The following HEATR5B variants were observed in gnomAD, a reference collection of about 807,000 sequenced individuals.
HEATR5B encodes the protein HEAT repeat-containing protein 5B.
A neutral mutation model predicts 224.1 loss-of-function variants in HEATR5B; 156 were observed. The observed-to-expected ratio is 0.70, with a 90% CI of 0.61 to 0.80. The LOEUF is 0.80. Ranked by LOEUF, HEATR5B falls within the 30% of genes least tolerant of loss-of-function variation. The pLI is 0.00. For missense variants in HEATR5B, 2,323 were observed against 2,535.5 expected (o/e 0.92, Z 1.80); for synonymous variants, 1,027 against 893.0 (o/e 1.15, Z -2.68).
intron 16 of HEATR5B, among the ~76,000 whole-genome samples, chr2:37,054,199 T>C (rs1670744634): frequency 6.8e-6 from 1 of 147,670 alleles, no homozygotes; most frequent in African/African-American, 2.5e-5. Flanking sequence ...TCTGTTTTTT[T>C]TTTTTTTTTT....
At chr2:37,041,110 TA>T in intron 19 of HEATR5B, 22 bp downstream of exon 19, 2 of 1,581,528 alleles carry the variant, frequency 1.3e-6, no homozygotes, top group Non-Finnish European at 1.7e-6. Flanking sequence ...ACTTTTGTAA[TA>T]AAAAAACCAA....
At position 37,005,690 on chromosome 2, in the gene HEATR5B, T is replaced by C; in HGVS notation, c.4847A>G (p.Gln1616Arg). ...GGAGTCTAGCAAGGTATGTAAGGCCTGCAGGCATGCTGTAACATGTTCAAT... is the reference window on the plus strand; with the variant it reads ...GGAGTCTAGCAAGGTATGTAAGGCCCGCAGGCATGCTGTAACATGTTCAAT... ...EPIEHVTACL[Q>R]ALHTLLDSPY... Residue 1616 changes from glutamine (Q) to arginine (R), a missense_variant, in exon 30 of 36, where the codon CAG (glutamine) becomes CGG (arginine). By Grantham distance (43) the Gln-to-Arg change is conservative (BLOSUM62 1). Transcript: ENST00000233099. 6.2e-7 allele frequency: 1 copy of C among 1,612,602 alleles called. No homozygotes were observed. The highest frequency in any genetic ancestry group is 8.5e-7 in the Non-Finnish European group (1 of 1,178,782).
chr2:37,064,949 T>G lies in HEATR5B; in HGVS notation c.1375A>C (p.Met459Leu). The G allele has an allele frequency of 6.2e-7, 1 of 1,614,086 alleles. No individual in the cohort carries two copies. Among genetic ancestry groups the G allele is most frequent in the Non-Finnish European group, 8.5e-7 (1 of 1,179,988 alleles). ...CATGCAGCAGCAAGTCGGGCAGCCA[T>G]GCTTGGATGAAGCAGCACTGAAGTC... ...IVTSVLLHPS[M>L]AARLAAAWCL... Residue 459 changes from methionine to leucine, a missense_variant, in exon 10 of 36, where the codon ATG (methionine) becomes CTG (leucine). Met to Leu is a conservative substitution (Grantham distance 15, BLOSUM62 2). Around this residue, in one of 12 missense-constraint regions of HEATR5B, gnomAD observed 502 missense variants for 517.8 expected, o/e 0.97. Coordinates refer to ENST00000233099, the MANE Select transcript of HEATR5B (RefSeq NM_019024.3).
intron 27 of HEATR5B, among the ~76,000 whole-genome samples, chr2:37,009,462 A>T (rs968510992): frequency 1.3e-5 from 2 of 151,920 alleles, no homozygotes; most frequent in African/African-American, 2.4e-5. Flanking sequence ...CTGTAGCCCC[A>T]GCTACTTGGG....
chr2:37,054,257 C>T (rs1279546497), intron 16 of HEATR5B, among the ~76,000 whole-genome samples: 2 of 141,276 alleles, frequency 1.4e-5, no homozygotes, highest in Admixed American at 1.5e-4. Flanking sequence ...TGCAATGGCG[C>T]GATCTCGGCT....
rs13387567 is a variant in HEATR5B at position 37,082,303 on chromosome 2, C to T, written c.126+986G>A. On this transcript the variant is annotated intron_variant, in intron 2 of 35. Coordinates refer to ENST00000233099, the MANE Select transcript of HEATR5B (RefSeq NM_019024.3). ...CCATGTTGGCCAGGCTAGTCTGGAA[C>T]TCCTGACCTCAGGTGATCCACCCAC... 9.7e-3 allele frequency among the ~76,000 whole-genome samples: 1,471 copies of T among 152,030 alleles called. 30 individuals are homozygous for T. Among genetic ancestry groups the T allele is most frequent in the African/African-American group, 0.034 (1,407 of 41,454 alleles).
intron 34 of HEATR5B, among the ~76,000 whole-genome samples, chr2:36,990,397 C>G (rs189779419): frequency 5.9e-5 from 9 of 152,240 alleles, no homozygotes; most frequent in African/African-American, 1.9e-4. Flanking sequence ...TAATCATAGA[C>G]TCTTGTCTCT....
At chr2:37,005,847 T>C in intron 29 of HEATR5B, 88 bp from the exon 30 acceptor site, 1 of 1,059,714 alleles carries the variant, frequency 9.4e-7, no homozygotes, top group Admixed American at 2.8e-5. Flanking sequence ...TTTATGTTTT[T>C]ACAGATTACC....
chr2:37,042,518 C>T (rs1321371488), intron 18 of HEATR5B, among the ~76,000 whole-genome samples: 2 of 152,184 alleles, frequency 1.3e-5, no homozygotes, highest in African/African-American at 2.4e-5. Context: ...ATGGTGAAAT[C>T]ACCGATGCTT....
chr2:37,078,832 A>G (rs981979685), intron 3 of HEATR5B, among the ~76,000 whole-genome samples: 1 of 152,208 alleles, frequency 6.6e-6, no homozygotes, highest in Non-Finnish European at 1.5e-5. Context: ...CAAAGGATTC[A>G]GCCTACTCAC....
chr2:37,022,203 G>T (rs890926395), intron 24 of HEATR5B, among the ~76,000 whole-genome samples: 1 of 151,454 alleles, frequency 6.6e-6, no homozygotes, highest in East Asian at 1.9e-4. Flanking sequence ...TTGAGATGGA[G>T]TATTGCTCTG....
At chr2:36,992,282 T>A (rs1666381068) in intron 33 of HEATR5B, among the ~76,000 whole-genome samples, 1 of 152,092 alleles carries the variant, frequency 6.6e-6, no homozygotes, top group Non-Finnish European at 1.5e-5. Context: ...TCACGAATGT[T>A]AAAAACCTGA....
chr2:37,064,176 C>T (rs1482380253), intron 10 of HEATR5B, among the ~76,000 whole-genome samples: 1 of 151,802 alleles, frequency 6.6e-6, no homozygotes, highest in Non-Finnish European at 1.5e-5. Context: ...ATTACAATAG[C>T]GTATTATCCT....
chr2:37,004,276 A>C (rs1205432604), intron 30 of HEATR5B, among the ~76,000 whole-genome samples: 2 of 151,782 alleles, frequency 1.3e-5, no homozygotes, highest in East Asian at 3.9e-4. Context: ...TGTGAGGCTT[A>C]ATCTGAGGTT....
chr2:37,053,247 C>G (rs554831623), intron 17 of HEATR5B, among the ~76,000 whole-genome samples: 1 of 152,262 alleles, frequency 6.6e-6, no homozygotes, highest in African/African-American at 2.4e-5. Context: ...TTTGAAAATT[C>G]TGAAAGAATT....
intron 18 of HEATR5B, among the ~76,000 whole-genome samples, chr2:37,045,445 G>A (rs1305911852): frequency 6.6e-6 from 1 of 152,184 alleles, no homozygotes; most frequent in African/African-American, 2.4e-5. Flanking sequence ...GGTCAGGGAT[G>A]TTGCTCCCAT....
chr2:36,992,484 G>C (rs1381114903), intron 33 of HEATR5B, among the ~76,000 whole-genome samples: 1 of 151,990 alleles, frequency 6.6e-6, no homozygotes, highest in African/African-American at 2.4e-5. Context: ...GGGAGGCTGA[G>C]GCAGGAGGAT....
At chr2:36,988,237 G>A (rs1385954171) in intron 35 of HEATR5B, among the ~76,000 whole-genome samples, 1 of 151,030 alleles carries the variant, frequency 6.6e-6, no homozygotes, top group Non-Finnish European at 1.5e-5. Flanking sequence ...ACTACATTAT[G>A]TAACAGAAGC....
intron 7 of HEATR5B, among the ~76,000 whole-genome samples, chr2:37,069,836 G>A (rs1027722791): frequency 3.3e-5 from 5 of 151,712 alleles, no homozygotes; most frequent in Admixed American, 6.6e-5. Context: ...TATTAAAAAT[G>A]TCTCTGTGAG....
Sources: gnomAD v4.1 joint callset for allele counts (sites outside exome capture counted in the v4.1 genomes callset) on GRCh38, gnomAD v4.1.1 for gene constraint, gnomAD v4.1.1 regional missense constraint, MANE v1.5 for transcripts, NCBI Gene and HGNC (gene_info 2026-07-23, HGNC 2026-07-21) for gene names.